TMEM40: variants seen among roughly 807,000 people sequenced by gnomAD.
TMEM40 encodes transmembrane protein 40.
In TMEM40, 34 loss-of-function variants were observed where a neutral mutation model predicts 40.8. That is an observed-to-expected ratio of 0.83 (90% CI 0.63 to 1.11). The LOEUF is 1.11. Ranked by LOEUF, TMEM40 falls within the 50% of genes least tolerant of loss-of-function variation. The pLI, the probability that TMEM40 is intolerant of heterozygous loss-of-function variation, is 0.00. For missense variants in TMEM40, 296 were observed against 280.2 expected (o/e 1.06, Z -0.40); for synonymous variants, 106 against 107.0 (o/e 0.99, Z 0.06).
chr3:12,745,904 C>CT (rs60873625), intron 3 of TMEM40, among the ~76,000 whole-genome samples: 63 of 146,872 alleles, frequency 4.3e-4, no homozygotes, highest in East Asian at 5.9e-4. Flanking sequence ...TTTGCTTTTT[C>CT]TTTTTTTTTT....
At chr3:12,745,226 A>ATTTTATTTTTTTTT (rs2061418112) in intron 3 of TMEM40, among the ~76,000 whole-genome samples, 1 of 127,142 alleles carries the variant, frequency 7.9e-6, no homozygotes, top group African/African-American at 3.1e-5. Flanking sequence ...CACCTGGCTA[A>ATTTTATTTTTTTTT]TTTTTTTTTT....
Position 12,738,546 on chromosome 3 carries a change from C to A in TMEM40, c.391+7G>T, listed in dbSNP as rs747823826. 1.2e-6 allele frequency: 2 copies of A among 1,613,894 alleles called. No homozygotes were observed. The highest frequency in any genetic ancestry group is 2.7e-5 in the African/African-American group (2 of 74,938). On this transcript the variant is annotated splice_region_variant and intron_variant, in intron 6 of 11. Transcript: ENST00000314124. ...CAACGACCTCTCTCCTCTAACTGGA[C>A]ACTCACCTGATTCCCCAGAGGGTAC...
chr3:12,753,211 C>CTTTTTTTTTTT (rs56739791), intron 1 of TMEM40, among the ~76,000 whole-genome samples: 74 of 76,304 alleles, frequency 9.7e-4, no homozygotes, highest in African/African-American at 1.4e-3. Context: ...TTCTTTCTTT[C>CTTTTTTTTTTT]TTTTTTTTTT....
At chr3:12,746,525 G>A (rs1272203307) in intron 3 of TMEM40, among the ~76,000 whole-genome samples, 2 of 152,208 alleles carry the variant, frequency 1.3e-5, no homozygotes, top group Non-Finnish European at 2.9e-5. Flanking sequence ...GAGAGATGGT[G>A]GATGTGACTA....
chr3:12,740,186 C>T (rs1174843331), intron 5 of TMEM40, among the ~76,000 whole-genome samples: 9 of 150,830 alleles, frequency 6.0e-5, no homozygotes, highest in Non-Finnish European at 1.0e-4. Context: ...CTCTGCCTCC[C>T]GGGTTCAAGC....
chr3:12,752,195 C>T (rs908496387), intron 1 of TMEM40, among the ~76,000 whole-genome samples: 1 of 152,134 alleles, frequency 6.6e-6, no homozygotes. Flanking sequence ...CTCAAGTGAT[C>T]CTCCTGCCTC....
chr3:12,748,895 A>G, intron 2 of TMEM40, 103 bp from the exon 3 acceptor site: 1 of 1,033,024 alleles, frequency 9.7e-7, no homozygotes, highest in Non-Finnish European at 1.4e-6. Context: ...GAGAGCCAGG[A>G]AGGACTGGAT....
intron 1 of TMEM40, among the ~76,000 whole-genome samples, chr3:12,758,554 C>T (rs1293342672): frequency 1.3e-5 from 2 of 152,048 alleles, no homozygotes; most frequent in Non-Finnish European, 2.9e-5. Flanking sequence ...ACCACCTGTG[C>T]CTGAGCCCCC....
chr3:12,736,881 CTT>C, intron 8 of TMEM40, 46 bp from the exon 9 acceptor site: 1 of 1,612,840 alleles, frequency 6.2e-7, no homozygotes, highest in Non-Finnish European at 8.5e-7. Context: ...CTTTCTCTCT[CTT>C]TTTTTGGGCA....
chr3:12,767,418 T>C (rs1489193532), intron 1 of TMEM40, among the ~76,000 whole-genome samples: 5 of 152,050 alleles, frequency 3.3e-5, no homozygotes, highest in Non-Finnish European at 7.4e-5. Flanking sequence ...GTGGCATCGA[T>C]AGAAGAGATG....
chr3:12,742,522 A>C lies in TMEM40; in HGVS notation c.302-15T>G, dbSNP rs754850861. On this transcript the variant is annotated splice_polypyrimidine_tract_variant and intron_variant, in intron 4 of 11. Transcript: ENST00000314124. ...ATGCCCAGGACCTGGATGGAGACAA[A>C]CCCCTTAGTCAGCACTCCCCAAACA... 1.2e-6 allele frequency: 2 copies of C among 1,612,900 alleles called. No individual in the cohort carries two copies.
chr3:12,767,200 C>G (rs1311029989), intron 1 of TMEM40, among the ~76,000 whole-genome samples: 1 of 152,098 alleles, frequency 6.6e-6, no homozygotes, highest in African/African-American at 2.4e-5. Context: ...GTTGGGGGGT[C>G]AGTTGCCAAA....
At chr3:12,742,598 C>T in intron 4 of TMEM40, 91 bp from the exon 5 acceptor site, 1 of 1,463,508 alleles carries the variant, frequency 6.8e-7, no homozygotes, top group South Asian at 1.2e-5. Flanking sequence ...TTAAGAAGTA[C>T]CACAGTCCTT....
intron 1 of TMEM40, among the ~76,000 whole-genome samples, chr3:12,768,050 C>T (rs572841663): frequency 4.6e-5 from 7 of 152,270 alleles, no homozygotes; most frequent in African/African-American, 1.4e-4. Flanking sequence ...CACAGACCCT[C>T]GCAGTGTTAC....
intron 4 of TMEM40, 39 bp downstream of exon 4, chr3:12,743,861 C>T (rs373293279): frequency 1.1e-5 from 17 of 1,586,022 alleles, no homozygotes; most frequent in African/African-American, 9.4e-5. Flanking sequence ...CAACGGTGAG[C>T]GAGTGGGCAA....
chr3:12,767,347 G>A (rs918835724), intron 1 of TMEM40, among the ~76,000 whole-genome samples: 1 of 152,172 alleles, frequency 6.6e-6, no homozygotes, highest in Non-Finnish European at 1.5e-5. Context: ...GCTCTCCTTG[G>A]AGAAGAGCAA....
intron 1 of TMEM40, among the ~76,000 whole-genome samples, chr3:12,765,907 G>A (rs763150421): frequency 1.3e-5 from 2 of 151,878 alleles, no homozygotes; most frequent in African/African-American, 2.4e-5. Flanking sequence ...CCAGGCTGAA[G>A]TGCAGTGGGC....
At chr3:12,746,141 G>C (rs2061426037) in intron 3 of TMEM40, among the ~76,000 whole-genome samples, 1 of 150,716 alleles carries the variant, frequency 6.6e-6, no homozygotes, top group African/African-American at 2.4e-5. Context: ...CAGGTGATCT[G>C]CCCGCCTCGG....
chr3:12,742,431 A>G, intron 5 of TMEM40, 23 bp downstream of exon 5: 5 of 1,611,750 alleles, frequency 3.1e-6, no homozygotes, highest in Non-Finnish European at 4.2e-6. Context: ...TGTTTTCTCC[A>G]AAGCTACTGG....
Sources: gnomAD v4.1 joint callset for allele counts (sites outside exome capture counted in the v4.1 genomes callset) on GRCh38, gnomAD v4.1.1 for gene constraint, MANE v1.5 for transcripts, NCBI Gene and HGNC (gene_info 2026-07-23, HGNC 2026-07-21) for gene names.